The following TXNDC11 variants were observed in gnomAD, a reference collection of about 807,000 sequenced individuals.
TXNDC11 encodes thioredoxin domain-containing protein 11.
TXNDC11 carries 68 observed loss-of-function variants against 78.0 expected under a neutral mutation model. That is an observed-to-expected ratio of 0.87 (90% CI 0.72 to 1.07). The LOEUF is 1.07. TXNDC11 is among the 50% of genes least tolerant of loss of function. The probability of loss-of-function intolerance (pLI) is 0.00; values close to 1 mark genes in which losing one functional copy is unlikely to be tolerated. For missense variants in TXNDC11, 1,389 were observed against 1,221.8 expected, an observed-to-expected ratio of 1.14 and a Z score of -2.04; for synonymous variants, 571 against 495.2, an observed-to-expected ratio of 1.15 and a Z score of -2.03.
intron 7 of TXNDC11, among the ~76,000 whole-genome samples, chr16:11,694,217 C>G (rs1441762479): frequency 6.8e-6 from 1 of 146,164 alleles, no homozygotes; most frequent in Non-Finnish European, 1.5e-5. Context: ...TCAAGCAATT[C>G]TCCTGCCTTA....
intron 5 of TXNDC11, 158 bp downstream of exon 5, chr16:11,721,419 G>T: frequency 2.4e-6 from 1 of 415,798 alleles, no homozygotes; most frequent in Non-Finnish European, 4.4e-6. Flanking sequence ...AGCCTGGGCG[G>T]CAGGGCGAGA....
At chr16:11,699,025 A>T (rs1442813672) in intron 6 of TXNDC11, among the ~76,000 whole-genome samples, 1 of 152,260 alleles carries the variant, frequency 6.6e-6, no homozygotes, top group Admixed American at 6.5e-5. Flanking sequence ...TAACAATTTA[A>T]ATCACTGGCT....
At chr16:11,722,712 T>A (rs923074056) in intron 4 of TXNDC11, among the ~76,000 whole-genome samples, 1 of 152,188 alleles carries the variant, frequency 6.6e-6, no homozygotes, top group Non-Finnish European at 1.5e-5. Context: ...AAGAATCCTT[T>A]TGAGCCCAAA....
intron 11 of TXNDC11, among the ~76,000 whole-genome samples, chr16:11,683,508 C>G (rs2050485269): frequency 6.6e-6 from 1 of 152,140 alleles, no homozygotes; most frequent in African/African-American, 2.4e-5. Context: ...AGGCAGGGCT[C>G]CACAGATTCT....
intron 5 of TXNDC11, among the ~76,000 whole-genome samples, chr16:11,718,305 T>G (rs2051603516): frequency 6.6e-6 from 1 of 152,196 alleles, no homozygotes; most frequent in South Asian, 2.1e-4. Flanking sequence ...GAAAGGCATG[T>G]GTATTGTATA....
chr16:11,690,589 G>A (rs1230405931), intron 8 of TXNDC11: 1 of 152,332 alleles, frequency 6.6e-6, no homozygotes, highest in Non-Finnish European at 1.5e-5. Flanking sequence ...GTCTTGCTCT[G>A]TCGCCCAGGC....
At chr16:11,695,077 T>G (rs1285776695) in intron 7 of TXNDC11, among the ~76,000 whole-genome samples, 1 of 152,272 alleles carries the variant, frequency 6.6e-6, no homozygotes, top group Non-Finnish European at 1.5e-5. Flanking sequence ...CGAAGACTCT[T>G]TGCTGGCTGA....
Position 11,698,293 on chromosome 16 carries a change from A to C in TXNDC11, c.939T>G (p.Ala313=). The C allele has an allele frequency of 6.2e-7, 1 of 1,613,888 alleles. No homozygotes were observed. Among genetic ancestry groups the C allele is most frequent in the Non-Finnish European group, 8.5e-7 (1 of 1,179,962 alleles). Residue 313 remains alanine, a synonymous_variant, in exon 7 of 12, where the codon GCT becomes GCG. Coordinates refer to ENST00000283033, the MANE Select transcript of TXNDC11 (RefSeq NM_015914.7). ...VFPREVLNYT[A]ENICKWALEN... ...CTAAGGCCCACTTACAGATGTTCTC[A>C]GCTGTGTAGTTCAGGACCTCCCTGG...
At chr16:11,732,485 T>C (rs1043524911) in intron 3 of TXNDC11, among the ~76,000 whole-genome samples, 3 of 152,112 alleles carry the variant, frequency 2.0e-5, no homozygotes, top group Non-Finnish European at 2.9e-5. Flanking sequence ...AAACAGTAAC[T>C]CTGAGAAAGT....
At chr16:11,718,757 C>T (rs1223154036) in intron 5 of TXNDC11, among the ~76,000 whole-genome samples, 2 of 152,124 alleles carry the variant, frequency 1.3e-5, no homozygotes, top group Admixed American at 1.3e-4. Context: ...TGCAAACTTG[C>T]ATATGCAACA....
At chr16:11,711,416 C>G (rs1232306976) in intron 5 of TXNDC11, among the ~76,000 whole-genome samples, 4 of 152,306 alleles carry the variant, frequency 2.6e-5, no homozygotes, top group African/African-American at 7.2e-5. Flanking sequence ...GGCCTGTTAG[C>G]AAGTCATGTT....
At position 11,682,506 on chromosome 16, in the gene TXNDC11, G is replaced by A. The variant is rs181369059; in HGVS notation, c.2234+1659C>T. ...GCCCAGACGCAGGCCTCCAGATGAC[G>A]CCCCACCCTGCCACCTGTTCCGCCT... is the stretch of plus-strand genomic sequence containing the variant. On this transcript the variant is annotated intron_variant, in intron 11 of 11. Coordinates refer to ENST00000283033, the MANE Select transcript of TXNDC11 (RefSeq NM_015914.7). Among the ~76,000 whole-genome samples, 478 of 152,286 alleles carry A rather than the reference G, an allele frequency of 3.1e-3. 2 individuals are homozygous for A. Among genetic ancestry groups the A allele is most frequent in the Admixed American group, 5.4e-3 (83 of 15,294 alleles).
intron 7 of TXNDC11, among the ~76,000 whole-genome samples, chr16:11,694,545 T>G (rs1439909819): frequency 6.6e-6 from 1 of 152,038 alleles, no homozygotes; most frequent in East Asian, 1.9e-4. Flanking sequence ...CCTCCCAGGT[T>G]CAAGCGTTTC....
intron 5 of TXNDC11, among the ~76,000 whole-genome samples, chr16:11,710,740 G>A (rs142352675): frequency 2.0e-5 from 3 of 152,264 alleles, no homozygotes; most frequent in East Asian, 1.9e-4. Flanking sequence ...CCTGAGCCTC[G>A]GGAGTTTGAA....
At chr16:11,690,276 G>C (rs550376151) in intron 8 of TXNDC11, among the ~76,000 whole-genome samples, 9 of 152,328 alleles carry the variant, frequency 5.9e-5, no homozygotes, top group African/African-American at 2.2e-4. Context: ...AGGCCAGGGT[G>C]GGTCAGCCCA....
At chr16:11,702,425 T>C (rs1387495308) in intron 5 of TXNDC11, among the ~76,000 whole-genome samples, 1 of 152,192 alleles carries the variant, frequency 6.6e-6, no homozygotes, top group Non-Finnish European at 1.5e-5. Context: ...CCTAGCACTT[T>C]GGGAGGCCGA....
chr16:11,741,412 A>AC (rs1266974857), intron 1 of TXNDC11, among the ~76,000 whole-genome samples: 2 of 151,982 alleles, frequency 1.3e-5, no homozygotes, highest in Non-Finnish European at 2.9e-5. Context: ...TCATGTTCCT[A>AC]CCCCCTACAC....
intron 2 of TXNDC11, among the ~76,000 whole-genome samples, chr16:11,735,540 G>A (rs1470821999): frequency 6.6e-6 from 1 of 152,180 alleles, no homozygotes; most frequent in African/African-American, 2.4e-5. Flanking sequence ...TGCCATAACA[G>A]GTGACTTATT....
chr16:11,703,737 G>C (rs998940761), intron 5 of TXNDC11: 3 of 701,490 alleles, frequency 4.3e-6, no homozygotes, highest in African/African-American at 1.7e-5. Context: ...TTGGAGAAGA[G>C]GTTGATTCCA....
Sources: gnomAD v4.1 joint callset for allele counts (sites outside exome capture counted in the v4.1 genomes callset) on GRCh38, gnomAD v4.1.1 for gene constraint, MANE v1.5 for transcripts, NCBI Gene and HGNC (gene_info 2026-07-23, HGNC 2026-07-21) for gene names.